SPATA13: variants seen among roughly 807,000 people sequenced by gnomAD.
The protein encoded by SPATA13 is spermatogenesis-associated protein 13.
A neutral mutation model predicts 104.0 loss-of-function variants in SPATA13; 50 were observed. The ratio of observed to expected loss-of-function variants is 0.48; its 90% CI spans 0.38 to 0.61. SPATA13 has a LOEUF of 0.61. Among genes scored for constraint, SPATA13 ranks in the 20% least tolerant of loss-of-function variants. The pLI is 0.00. For synonymous variants in SPATA13, 606 were observed against 667.5 expected, an observed-to-expected ratio of 0.91 and a Z score of 1.42; for missense variants, 1,524 against 1,690.6, an observed-to-expected ratio of 0.90 and a Z score of 1.73.
intron 3 of SPATA13, among the ~76,000 whole-genome samples, chr13:24,057,338 C>T (rs566503530): frequency 2.6e-5 from 4 of 151,978 alleles, no homozygotes; most frequent in South Asian, 4.2e-4. Context: ...CTGCAGCTGT[C>T]GGTCCTCTTG....
intron 3 of SPATA13, among the ~76,000 whole-genome samples, chr13:24,019,881 G>C (rs949096539): frequency 6.6e-6 from 1 of 152,198 alleles, no homozygotes; most frequent in African/African-American, 2.4e-5. Context: ...TGCCAGTGAA[G>C]ACTGGTAGGG....
At chr13:24,102,736 A>G (rs965470786) in intron 3 of SPATA13, among the ~76,000 whole-genome samples, 2 of 152,094 alleles carry the variant, frequency 1.3e-5, no homozygotes, top group Non-Finnish European at 2.9e-5. Context: ...AGCCTCCCAA[A>G]CTACTGGGAT....
chr13:24,003,849 C>T (rs1876091770), intron 2 of SPATA13, among the ~76,000 whole-genome samples: 2 of 152,064 alleles, frequency 1.3e-5, no homozygotes, highest in South Asian at 4.1e-4. Flanking sequence ...ATATTAGAGA[C>T]GTGGGAAAAA....
chr13:24,301,014 G>T (rs2138778202), intron 12 of SPATA13, among the ~76,000 whole-genome samples: 1 of 152,134 alleles, frequency 6.6e-6, no homozygotes, highest in East Asian at 1.9e-4. Flanking sequence ...ATGCACATTA[G>T]AATTCCCTGG....
At chr13:24,042,533 GACTA>G (rs758843444) in intron 3 of SPATA13, among the ~76,000 whole-genome samples, 7 of 152,186 alleles carry the variant, frequency 4.6e-5, no homozygotes, top group Non-Finnish European at 8.8e-5. Context: ...CACCACCGTG[GACTA>G]ACTCACATCT....
chr13:24,249,826 A>T lies in SPATA13; in HGVS notation c.2003A>T (p.Asp668Val). 1 of 1,605,718 alleles carries T rather than the reference A, an allele frequency of 6.2e-7. No homozygotes were observed. The highest frequency in any genetic ancestry group is 8.5e-7 in the Non-Finnish European group (1 of 1,175,784). The change falls in exon 3 of 13, where the codon GAC becomes GTC. Residue 668 changes from aspartate to valine, a missense_variant. Transcript: ENST00000382108. ...GGGACCAACCAGACGGAGGAACTGGACAATCTTCTGACCCAAGTAAGATCT... is the reference window on the plus strand; with the variant it reads ...GGGACCAACCAGACGGAGGAACTGGTCAATCTTCTGACCCAAGTAAGATCT... ...LYGTNQTEEL[D>V]NLLTQPASRP...
At position 24,017,250 on chromosome 13, in the gene SPATA13, A is replaced by G. The variant is rs549683653; in HGVS notation, c.-146-417A>G. On this transcript the variant is annotated intron_variant, in intron 2 of 14. Transcript: ENST00000424834. Reference sequence around the variant, plus strand: ...TGAGACGATAACTCAGTTAATGCTCACAATTCTCTTATCCTCATCCGAGAA... The same window carrying G: ...TGAGACGATAACTCAGTTAATGCTCGCAATTCTCTTATCCTCATCCGAGAA... Among the ~76,000 whole-genome samples the G allele has an allele frequency of 3.9e-5, 6 of 152,382 alleles. No individual in the cohort carries two copies. In the South Asian group the frequency reaches 1.2e-3, roughly 32 times the overall value.
At chr13:24,005,798 C>T (rs1190690013) in intron 2 of SPATA13, among the ~76,000 whole-genome samples, 1 of 152,212 alleles carries the variant, frequency 6.6e-6, no homozygotes, top group Non-Finnish European at 1.5e-5. Context: ...CAGCAAGATG[C>T]AGCATGGGCA....
chr13:24,125,277 C>G (rs193109611), intron 3 of SPATA13, among the ~76,000 whole-genome samples: 22 of 152,292 alleles, frequency 1.4e-4, no homozygotes, highest in Non-Finnish European at 1.5e-5. Context: ...CCTAACACGG[C>G]GGGAGAGGGA....
intron 4 of SPATA13, among the ~76,000 whole-genome samples, chr13:24,280,008 T>A (rs1489651707): frequency 1.3e-5 from 2 of 152,194 alleles, no homozygotes; most frequent in Non-Finnish European, 2.9e-5. Flanking sequence ...AGAGTTGTCT[T>A]TTTTCTTTAC....
At chr13:24,157,595 G>T (rs1016507724), upstream of SPATA13, among the ~76,000 whole-genome samples, 1 of 152,124 alleles carries the variant, frequency 6.6e-6, no homozygotes, top group African/African-American at 2.4e-5. Flanking sequence ...CCACGTGCCC[G>T]GCTGGTAACT....
chr13:24,288,946 C>A, intron 7 of SPATA13, 53 bp from the exon 8 acceptor site: 1 of 1,503,978 alleles, frequency 6.6e-7, no homozygotes, highest in Non-Finnish European at 9.0e-7. Context: ...CTGTACTATT[C>A]AAATAATTTA....
intron 4 of SPATA13, among the ~76,000 whole-genome samples, chr13:24,268,718 C>T (rs1439565940): frequency 6.6e-6 from 1 of 152,178 alleles, no homozygotes; most frequent in East Asian, 1.9e-4. Context: ...AAGATCGTGC[C>T]ACTGCACTCC....
chr13:24,066,791 T>C (rs997842113), intron 3 of SPATA13, among the ~76,000 whole-genome samples: 3 of 152,060 alleles, frequency 2.0e-5, no homozygotes, highest in Admixed American at 1.3e-4. Context: ...CAATGCCAAC[T>C]GCACAGTCAA....
chr13:24,215,067 G>A (rs1051357188), intron 1 of SPATA13, among the ~76,000 whole-genome samples: 2 of 152,160 alleles, frequency 1.3e-5, no homozygotes, highest in Admixed American at 6.5e-5. Flanking sequence ...CCCTGAGGAC[G>A]CGCTGGCAAT....
intron 3 of SPATA13, among the ~76,000 whole-genome samples, chr13:24,087,801 G>C (rs994959285): frequency 6.6e-6 from 1 of 152,150 alleles, no homozygotes; most frequent in Admixed American, 6.5e-5. Flanking sequence ...TGGCCACGGG[G>C]CTCCTGCTCC....
chr13:24,289,236 T>A, intron 8 of SPATA13, 58 bp downstream of exon 8: 1 of 1,409,164 alleles, frequency 7.1e-7, no homozygotes, highest in Non-Finnish European at 9.8e-7. Context: ...TTGAAGTGCA[T>A]CTCCACAGAA....
At chr13:24,287,613 C>G (rs977387292) in intron 7 of SPATA13, among the ~76,000 whole-genome samples, 2 of 152,226 alleles carry the variant, frequency 1.3e-5, no homozygotes, top group African/African-American at 4.8e-5. Context: ...TGCATCTAAT[C>G]ACCAACTGAC....
intron 3 of SPATA13, among the ~76,000 whole-genome samples, chr13:24,139,040 C>T (rs1402339597): frequency 6.6e-6 from 1 of 152,130 alleles, no homozygotes. Flanking sequence ...TGAATTCTCT[C>T]ACACTTTGGG....
Sources: gnomAD v4.1 joint callset for allele counts (sites outside exome capture counted in the v4.1 genomes callset) on GRCh38, gnomAD v4.1.1 for gene constraint, MANE v1.5 for transcripts, NCBI Gene and HGNC (gene_info 2026-07-23, HGNC 2026-07-21) for gene names.